The following CHCHD3 variants were observed in gnomAD, a reference collection of about 807,000 sequenced individuals.
CHCHD3 encodes MICOS complex subunit MIC19.
CHCHD3 carries 20 observed loss-of-function variants against 38.2 expected under a neutral mutation model. The ratio of observed to expected loss-of-function variants is 0.52; its 90% CI spans 0.37 to 0.76. CHCHD3 has a LOEUF of 0.76. CHCHD3 is among the 30% of genes least tolerant of loss of function. The pLI is 0.00. For missense variants in CHCHD3, 245 were observed against 279.2 expected (o/e 0.88, Z 0.87); for synonymous variants, 82 against 100.0 (o/e 0.82, Z 1.07).
At chr7:132,908,754 C>T (rs2117215803) in intron 4 of CHCHD3, among the ~76,000 whole-genome samples, 1 of 152,296 alleles carries the variant, frequency 6.6e-6, no homozygotes, top group South Asian at 2.1e-4. Flanking sequence ...ACTCACGAGT[C>T]TGGGGAAAGC....
chr7:132,872,237 C>A (rs1325729476), intron 5 of CHCHD3, among the ~76,000 whole-genome samples: 1 of 152,226 alleles, frequency 6.6e-6, no homozygotes, highest in Non-Finnish European at 1.5e-5. Context: ...AGTGCACACT[C>A]AGTCTTAGAA....
chr7:132,885,251 C>T (rs1037111668), intron 5 of CHCHD3, among the ~76,000 whole-genome samples: 1 of 151,554 alleles, frequency 6.6e-6, no homozygotes, highest in African/African-American at 2.4e-5. Context: ...GATTCCATTT[C>T]AAAAAGAAAA....
At chr7:133,009,311 CCAAGATCGCG>C (rs1282165883) in intron 3 of CHCHD3, among the ~76,000 whole-genome samples, 2 of 143,530 alleles carry the variant, frequency 1.4e-5, no homozygotes, top group Admixed American at 1.5e-4. Flanking sequence ...TTGCAGTGAG[CCAAGATCGCG>C]CCACTGCACT....
intron 5 of CHCHD3, among the ~76,000 whole-genome samples, chr7:132,845,635 C>A (rs1362925302): frequency 1.3e-5 from 2 of 152,202 alleles, no homozygotes; most frequent in South Asian, 2.1e-4. Flanking sequence ...AATGCCAAGA[C>A]TTCCCAAGGC....
chr7:132,832,540 T>C (rs913303458), intron 6 of CHCHD3, among the ~76,000 whole-genome samples: 3 of 152,178 alleles, frequency 2.0e-5, no homozygotes, highest in African/African-American at 7.2e-5. Flanking sequence ...AACTCGCCAC[T>C]TCATTATGTA....
chr7:132,960,917 G>A (rs541880618), intron 4 of CHCHD3, among the ~76,000 whole-genome samples: 2 of 152,264 alleles, frequency 1.3e-5, no homozygotes, highest in South Asian at 2.1e-4. Context: ...GGAGGTAGCA[G>A]TGAGCAAATA....
intron 4 of CHCHD3, among the ~76,000 whole-genome samples, chr7:132,919,324 G>C (rs1307827402): frequency 2.0e-5 from 3 of 151,790 alleles, no homozygotes; most frequent in African/African-American, 7.3e-5. Context: ...TGTTAACCAG[G>C]ATGGTCTCAA....
chr7:132,820,276 T>G (rs1017264962), intron 6 of CHCHD3, among the ~76,000 whole-genome samples: 16 of 152,206 alleles, frequency 1.1e-4, no homozygotes, highest in Middle Eastern at 3.2e-3. Flanking sequence ...AATGTTGTAT[T>G]CATAAAAATA....
chr7:132,907,269 T>G (rs1478917100), intron 4 of CHCHD3, among the ~76,000 whole-genome samples: 1 of 152,206 alleles, frequency 6.6e-6, no homozygotes, highest in African/African-American at 2.4e-5. Context: ...CACAGAGCTA[T>G]AAAACTACCA....
At chr7:132,934,563 A>T (rs1810592114) in intron 4 of CHCHD3, among the ~76,000 whole-genome samples, 2 of 152,194 alleles carry the variant, frequency 1.3e-5, no homozygotes, top group Non-Finnish European at 2.9e-5. Flanking sequence ...CTTTCCCACT[A>T]GAATACACAC....
chr7:132,993,750 A>G (rs1268745951), intron 3 of CHCHD3, among the ~76,000 whole-genome samples: 2 of 152,214 alleles, frequency 1.3e-5, no homozygotes, highest in Non-Finnish European at 2.9e-5. Context: ...ACCAGTTGAC[A>G]GGGACATGAA....
At chr7:133,015,849 G>A (rs1813015452) in intron 3 of CHCHD3, among the ~76,000 whole-genome samples, 1 of 152,156 alleles carries the variant, frequency 6.6e-6, no homozygotes, top group South Asian at 2.1e-4. Context: ...CAGGAAGCAT[G>A]GCAGCATTTT....
At chr7:132,856,578 C>T (rs924621628) in intron 5 of CHCHD3, among the ~76,000 whole-genome samples, 13 of 152,158 alleles carry the variant, frequency 8.5e-5, no homozygotes, top group African/African-American at 2.4e-4. Flanking sequence ...GTCTGAACGT[C>T]GCCTTATTGC....
chr7:133,048,150 A>G (rs1814050693), intron 2 of CHCHD3, among the ~76,000 whole-genome samples: 1 of 152,162 alleles, frequency 6.6e-6, no homozygotes, highest in Non-Finnish European at 1.5e-5. Flanking sequence ...ATAAAAAAAA[A>G]AAAAATACCT....
At chr7:132,801,553 C>T (rs969747968) in intron 6 of CHCHD3, among the ~76,000 whole-genome samples, 1 of 152,172 alleles carries the variant, frequency 6.6e-6, no homozygotes, top group South Asian at 2.1e-4. Context: ...ACCATCACAA[C>T]ACAAAATGCC....
chr7:133,048,909 C>T (rs1052307376), intron 2 of CHCHD3, among the ~76,000 whole-genome samples: 2 of 152,238 alleles, frequency 1.3e-5, no homozygotes, highest in Admixed American at 6.5e-5. Flanking sequence ...AATATGCACA[C>T]ATCTGCCCTA....
At chr7:132,923,707 G>A (rs1282773737) in intron 4 of CHCHD3, among the ~76,000 whole-genome samples, 1 of 152,082 alleles carries the variant, frequency 6.6e-6, no homozygotes, top group Non-Finnish European at 1.5e-5. Context: ...AATATGCCTT[G>A]TCAATGGGAA....
chr7:133,024,857 A>C (rs1164126586), intron 2 of CHCHD3, among the ~76,000 whole-genome samples: 3 of 152,198 alleles, frequency 2.0e-5, no homozygotes, highest in African/African-American at 7.2e-5. Flanking sequence ...CTCCTGCCAA[A>C]ATTTATAACA....
intron 4 of CHCHD3, among the ~76,000 whole-genome samples, chr7:132,958,119 G>A (rs746201646): frequency 1.3e-5 from 2 of 152,116 alleles, no homozygotes; most frequent in Admixed American, 6.5e-5. Flanking sequence ...TAAGCTTTAC[G>A]GCCTGAATGT....
Sources: gnomAD v4.1 joint callset for allele counts (sites outside exome capture counted in the v4.1 genomes callset) on GRCh38, gnomAD v4.1.1 for gene constraint, MANE v1.5 for transcripts, NCBI Gene and HGNC (gene_info 2026-07-23, HGNC 2026-07-21) for gene names.